The following FRAS1 variants were observed in gnomAD, a reference collection of about 807,000 sequenced individuals.
FRAS1 encodes Fraser extracellular matrix complex subunit 1, also known as extracellular matrix organizing protein FRAS1.
A neutral mutation model predicts 435.2 loss-of-function variants in FRAS1; 290 were observed. That is an observed-to-expected ratio of 0.67 (90% CI 0.61 to 0.73). The LOEUF is 0.73. FRAS1 is among the 30% of genes least tolerant of loss of function. The probability of loss-of-function intolerance (pLI) is 0.00; values close to 1 mark genes in which losing one functional copy is unlikely to be tolerated. For missense variants in FRAS1, 4,860 were observed against 5,001.5 expected, an observed-to-expected ratio of 0.97 and a Z score of 0.85; for synonymous variants, 1,800 against 1,851.0, an observed-to-expected ratio of 0.97 and a Z score of 0.71.
chr4:78,359,425 C>T (rs907956647), intron 20 of FRAS1, among the ~76,000 whole-genome samples: 4 of 152,148 alleles, frequency 2.6e-5, no homozygotes, highest in Admixed American at 6.6e-5. Flanking sequence ...TGACTTCAAG[C>T]CTCTGAAGAC....
At chr4:78,086,142 C>T (rs572878177) in intron 2 of FRAS1, among the ~76,000 whole-genome samples, 2 of 152,310 alleles carry the variant, frequency 1.3e-5, no homozygotes, top group Non-Finnish European at 2.9e-5. Context: ...TGCTCAACTA[C>T]ATGGAAACTG....
At chr4:78,251,946 G>C (rs985727097) in intron 4 of FRAS1, among the ~76,000 whole-genome samples, 7 of 151,684 alleles carry the variant, frequency 4.6e-5, no homozygotes, top group Non-Finnish European at 2.9e-5. Flanking sequence ...AGACAGAAAG[G>C]GGGGAGTGGA....
At chr4:78,445,366 T>C (rs949605695) in intron 41 of FRAS1, among the ~76,000 whole-genome samples, 156 bp from the exon 42 acceptor site, 2 of 152,222 alleles carry the variant, frequency 1.3e-5, no homozygotes, top group African/African-American at 4.8e-5. Context: ...ACCCAGGCCT[T>C]CCAATTCCTG....
At chr4:78,355,545 G>A (rs1056858759) in intron 20 of FRAS1, among the ~76,000 whole-genome samples, 8 of 152,158 alleles carry the variant, frequency 5.3e-5, no homozygotes, top group African/African-American at 1.9e-4. Flanking sequence ...AAACATATTT[G>A]AGGTCAGCCT....
chr4:78,382,460 T>A (rs1409194451), intron 27 of FRAS1, among the ~76,000 whole-genome samples: 1 of 152,110 alleles, frequency 6.6e-6, no homozygotes, highest in South Asian at 2.1e-4. Flanking sequence ...GGAACCTCAG[T>A]GCCACCAAAA....
At chr4:78,401,417 G>A (rs1240444343) in intron 30 of FRAS1, among the ~76,000 whole-genome samples, 1 of 152,164 alleles carries the variant, frequency 6.6e-6, no homozygotes, top group African/African-American at 2.4e-5. Context: ...GAATTATAAG[G>A]TGTTCGTAGC....
chr4:78,076,222 A>G (rs150104100), intron 2 of FRAS1, among the ~76,000 whole-genome samples: 3 of 152,236 alleles, frequency 2.0e-5, no homozygotes, highest in African/African-American at 7.2e-5. Context: ...GACATATTCC[A>G]ACAGTGAGTC....
intron 14 of FRAS1, among the ~76,000 whole-genome samples, chr4:78,294,170 C>G (rs1452030582): frequency 6.6e-6 from 1 of 152,228 alleles, no homozygotes; most frequent in Non-Finnish European, 1.5e-5. Context: ...ATGCTGCTCA[C>G]AGAGCTAACA....
chr4:78,441,846 C>G (rs1734672246), intron 41 of FRAS1, among the ~76,000 whole-genome samples: 1 of 152,198 alleles, frequency 6.6e-6, no homozygotes, highest in Non-Finnish European at 1.5e-5. Flanking sequence ...ATCTGTGACA[C>G]TCTCTTCCAC....
chr4:78,514,790 G>T (rs1224918856), intron 65 of FRAS1, among the ~76,000 whole-genome samples: 1 of 152,088 alleles, frequency 6.6e-6, no homozygotes, highest in Non-Finnish European at 1.5e-5. Flanking sequence ...AACCCAGCCG[G>T]GTGCAGTGGC....
In FRAS1 at chr4:78,308,084, C is replaced by G. The variant is rs1469458905; in HGVS notation, c.1553C>G (p.Ala518Gly). Residue 518 changes from alanine (A) to glycine (G), a missense_variant, in exon 15 of 74, where the codon GCA (alanine) becomes GGA (glycine). Transcript: ENST00000512123. ...TCTGCAGTCTGCCATGAGTCCTGTGCAGGTTGCTGGGGCCCAACGGAGAAG... is the reference window on the plus strand; with the variant it reads ...TCTGCAGTCTGCCATGAGTCCTGTGGAGGTTGCTGGGGCCCAACGGAGAAG... ...HSCAVCHESCAGCWGPTEKHC... is the reference protein window; with the variant it reads ...HSCAVCHESCGGCWGPTEKHC... The G allele has an allele frequency of 6.2e-7, 1 of 1,612,726 alleles. No individual in the cohort carries two copies. The highest frequency in any genetic ancestry group is 8.5e-7 in the Non-Finnish European group (1 of 1,179,144).
intron 9 of FRAS1, among the ~76,000 whole-genome samples, chr4:78,277,430 C>T (rs918015688): frequency 1.3e-5 from 2 of 152,140 alleles, no homozygotes; most frequent in East Asian, 3.8e-4. Flanking sequence ...GTAGACTGGA[C>T]CTGTTCCTAT....
At chr4:78,337,881 G>A (rs1730239674) in intron 20 of FRAS1, 64 bp downstream of exon 20, 1 of 1,520,254 alleles carries the variant, frequency 6.6e-7, no homozygotes, top group Admixed American at 1.7e-5. Flanking sequence ...CTTCATACCA[G>A]GCTTAAGGGG....
chr4:78,332,459 C>A (rs1729984449), intron 18 of FRAS1, among the ~76,000 whole-genome samples: 1 of 152,146 alleles, frequency 6.6e-6, no homozygotes, highest in Non-Finnish European at 1.5e-5. Context: ...TGCCTTTAGT[C>A]TCTTTTCACC....
intron 63 of FRAS1, 33 bp downstream of exon 63, chr4:78,509,039 C>T: frequency 6.2e-7 from 1 of 1,603,854 alleles, no homozygotes; most frequent in South Asian, 1.1e-5. Context: ...GGTTCTCCCT[C>T]CCTGGGAGAG....
At chr4:78,531,263 T>C (rs1048869338) in intron 70 of FRAS1, among the ~76,000 whole-genome samples, 2 of 152,336 alleles carry the variant, frequency 1.3e-5, no homozygotes, top group Admixed American at 6.5e-5. Context: ...GTTTTCTAAA[T>C]ATACAATCAT....
intron 25 of FRAS1, among the ~76,000 whole-genome samples, chr4:78,375,276 G>A (rs557940034): frequency 6.6e-6 from 1 of 152,320 alleles, no homozygotes; most frequent in East Asian, 1.9e-4. Flanking sequence ...ACCAGGCACT[G>A]TTTTCGTCAT....
intron 22 of FRAS1, 36 bp downstream of exon 22, chr4:78,364,090 C>G: frequency 6.5e-7 from 1 of 1,546,804 alleles, no homozygotes; most frequent in East Asian, 2.4e-5. Flanking sequence ...TCCTTTCCTT[C>G]TTTTCCTGCC....
intron 20 of FRAS1, among the ~76,000 whole-genome samples, chr4:78,356,178 A>G (rs1195968177): frequency 2.0e-5 from 3 of 152,198 alleles, no homozygotes; most frequent in Non-Finnish European, 4.4e-5. Context: ...ATTATCTCCA[A>G]TTGTAACTGA....
Sources: allele counts gnomAD v4.1 joint callset (sites outside exome capture counted in the v4.1 genomes callset), GRCh38; gene constraint gnomAD v4.1.1; transcripts MANE v1.5; gene names NCBI Gene and HGNC (gene_info 2026-07-23, HGNC 2026-07-21).